Variants in TCF7L1 observed in about 807,000 individuals in gnomAD.
TCF7L1 encodes the protein transcription factor 7 like 1, also known as transcription factor 7-like 1.
TCF7L1 carries 18 observed loss-of-function variants against 63.7 expected under a neutral mutation model. The observed-to-expected ratio is 0.28, with a 90% CI of 0.20 to 0.42. TCF7L1 has a LOEUF of 0.42. Among genes scored for constraint, TCF7L1 ranks in the 10% least tolerant of loss-of-function variants. TCF7L1 has a pLI of 1.00. For missense variants in TCF7L1, 654 were observed against 779.3 expected, an observed-to-expected ratio of 0.84 and a Z score of 1.91; for synonymous variants, 355 against 340.9, an observed-to-expected ratio of 1.04 and a Z score of -0.46.
chr2:85,154,443 A>G (rs1367749913), intron 3 of TCF7L1, among the ~76,000 whole-genome samples: 1 of 152,164 alleles, frequency 6.6e-6, no homozygotes, highest in Non-Finnish European at 1.5e-5. Flanking sequence ...GGCCTTTAAC[A>G]TGCCAGTGAA....
chr2:85,308,037 A>G (rs1682157486), intron 11 of TCF7L1, among the ~76,000 whole-genome samples: 1 of 152,062 alleles, frequency 6.6e-6, no homozygotes, highest in Non-Finnish European at 1.5e-5. Flanking sequence ...TCTTTGAAAT[A>G]CCCTTAGGAA....
rs1263417406 is a variant in TCF7L1 at position 85,133,627 on chromosome 2, G to A, written c.-58G>A. 5 of 700,198 alleles carry A rather than the reference G, an allele frequency of 7.1e-6. No homozygotes were observed. The highest frequency in any genetic ancestry group is 8.8e-6 in the Non-Finnish European group (5 of 571,252). 43.4% of individuals were successfully genotyped at this position (700,198 alleles called of 1,614,324 possible). ...GCGGGAGGGGCGCCGGGCCGGGCCG[G>A]GCAGGGCGCGGGCGGCTAGGGGCTC... On this transcript the variant is annotated 5_prime_UTR_variant, in exon 1 of 12. Transcript: ENST00000282111. The surrounding 1 kb of genome is among the most constrained non-coding windows in gnomAD (Gnocchi z 4.4).
Position 85,294,003 on chromosome 2 carries a change from T to C in TCF7L1, c.526-8481T>C, listed in dbSNP as rs1681783744. Among the ~76,000 whole-genome samples, 4 of 148,178 alleles carry C rather than the reference T, an allele frequency of 2.7e-5. No homozygotes were observed. The South Asian group carries it at 8.6e-4, about 32-fold the overall frequency. ...CCACCCCTAGAGTTTCTGATGGAAT[T>C]TAGGTGTGGCCTGAACACTGGGATT... On this transcript the variant is annotated intron_variant, in intron 4 of 11. Coordinates refer to ENST00000282111, the MANE Select transcript of TCF7L1 (RefSeq NM_031283.3).
At chr2:85,192,646 G>A (rs1404276885) in intron 3 of TCF7L1, among the ~76,000 whole-genome samples, 3 of 151,592 alleles carry the variant, frequency 2.0e-5, no homozygotes, top group Non-Finnish European at 4.4e-5. Flanking sequence ...GCCTCCCAGA[G>A]TGCTGGGATT....
chr2:85,199,353 T>C (rs754195957), intron 3 of TCF7L1, among the ~76,000 whole-genome samples: 5 of 152,202 alleles, frequency 3.3e-5, no homozygotes, highest in Non-Finnish European at 7.3e-5. Context: ...AAATCCCAGT[T>C]CTACTGAGTT....
intron 3 of TCF7L1, among the ~76,000 whole-genome samples, chr2:85,195,052 G>A (rs1260752631): frequency 6.6e-6 from 1 of 152,230 alleles, no homozygotes; most frequent in African/African-American, 2.4e-5. Context: ...CGCAGCATTT[G>A]CCCTATGGCG....
chr2:85,187,379 C>G (rs1281050491), intron 3 of TCF7L1: 1 of 152,190 alleles, frequency 6.6e-6, no homozygotes, highest in Admixed American at 6.5e-5. Context: ...GAGACTCTTC[C>G]TGGTGTACCC....
intron 4 of TCF7L1, among the ~76,000 whole-genome samples, chr2:85,285,574 T>C (rs1275702449): frequency 1.3e-5 from 2 of 152,208 alleles, no homozygotes; most frequent in Non-Finnish European, 2.9e-5. Flanking sequence ...ACTCCACACC[T>C]CAGGCATAAG....
intron 3 of TCF7L1, among the ~76,000 whole-genome samples, chr2:85,229,239 C>T (rs746559934): frequency 2.6e-5 from 4 of 151,558 alleles, no homozygotes; most frequent in Non-Finnish European, 4.4e-5. Context: ...CCAGCTACTC[C>T]GGGAGGCTGA....
Position 85,304,373 on chromosome 2 carries a change from T to C in TCF7L1, c.845+35T>C, listed in dbSNP as rs184245285. 4.5e-4 allele frequency: 716 copies of C among 1,604,638 alleles called. 5 individuals are homozygous for C. The East Asian group carries it at 0.015, about 34-fold the overall frequency. ...GGGGCTGGGGCTGTCCGCATGTTTG[T>C]CTTAGCAACCACGCCATTTCTGACC... On this transcript the variant is annotated intron_variant, in intron 7 of 11. Coordinates refer to ENST00000282111, the MANE Select transcript of TCF7L1 (RefSeq NM_031283.3).
intron 3 of TCF7L1, among the ~76,000 whole-genome samples, chr2:85,153,343 T>TTTTTTG (rs1678066490): frequency 1.5e-5 from 2 of 132,806 alleles, no homozygotes; most frequent in Non-Finnish European, 3.2e-5. Context: ...TTTATAAATT[T>TTTTTTG]TTTTTTTTTT....
chr2:85,185,984 T>G (rs1678912588), intron 3 of TCF7L1, among the ~76,000 whole-genome samples: 1 of 141,992 alleles, frequency 7.0e-6, no homozygotes, highest in Non-Finnish European at 1.5e-5. Flanking sequence ...TTTTTTTTTT[T>G]GAGACGGAGT....
intron 3 of TCF7L1, among the ~76,000 whole-genome samples, chr2:85,169,284 C>A (rs11126981): frequency 0.23 from 34,599 of 151,738 alleles, 4,615 homozygotes; most frequent in Non-Finnish European, 0.3. Flanking sequence ...GACTCTACCC[C>A]CTAGCATGCT....
chr2:85,274,680 A>C (rs985471433), intron 3 of TCF7L1, among the ~76,000 whole-genome samples: 2 of 152,160 alleles, frequency 1.3e-5, no homozygotes, highest in Non-Finnish European at 2.9e-5. Flanking sequence ...AATCAGCGGG[A>C]GTGTTTACAC....
intron 3 of TCF7L1, among the ~76,000 whole-genome samples, chr2:85,242,936 A>G (rs994883340): frequency 6.6e-6 from 1 of 152,126 alleles, no homozygotes; most frequent in Non-Finnish European, 1.5e-5. Flanking sequence ...CCCCATTTAG[A>G]TTACACACCT....
Position 85,303,915 on chromosome 2 carries a change from C to A in TCF7L1, c.679C>A (p.Pro227Thr), listed in dbSNP as rs1682043711. 1 of 1,612,982 alleles carries A rather than the reference C, an allele frequency of 6.2e-7. No homozygotes were observed. Among genetic ancestry groups the A allele is most frequent in the African/African-American group, 1.3e-5 (1 of 74,884 alleles). The part of the protein sequence containing the change: ...PKTGIPRPPH[P>T]SELSPYYPLS... ...AGCAGGAATCCCCCGGCCCCCTCAC[C>A]CATCCGAGCTGTCACCGTATTACCC... Residue 227 changes from proline (P) to threonine (T), a missense_variant, in exon 6 of 12, where the codon CCA becomes ACA. Transcript: ENST00000282111.
chr2:85,283,056 G>T (rs1300594779), intron 3 of TCF7L1, among the ~76,000 whole-genome samples: 1 of 152,050 alleles, frequency 6.6e-6, no homozygotes, highest in East Asian at 1.9e-4. Flanking sequence ...AGGGAGCATT[G>T]TGTGTGGATG....
At chr2:85,209,683 A>G (rs1679500453) in intron 3 of TCF7L1, among the ~76,000 whole-genome samples, 1 of 152,166 alleles carries the variant, frequency 6.6e-6, no homozygotes, top group Admixed American at 6.5e-5. Flanking sequence ...TCCAAAGCGC[A>G]GAAGGTGCAG....
chr2:85,231,425 G>A (rs553283759), intron 3 of TCF7L1, among the ~76,000 whole-genome samples: 1 of 152,340 alleles, frequency 6.6e-6, no homozygotes, highest in African/African-American at 2.4e-5. Flanking sequence ...CTGAACACCT[G>A]CAGTGATGGG....
Sources: gnomAD v4.1 joint callset for allele counts (sites outside exome capture counted in the v4.1 genomes callset) on GRCh38, gnomAD v4.1.1 for gene constraint, Gnocchi (gnomAD v3.1) non-coding constraint, MANE v1.5 for transcripts, NCBI Gene and HGNC (gene_info 2026-07-23, HGNC 2026-07-21) for gene names.